Variants in COL5A1 observed in about 807,000 individuals in gnomAD.
COL5A1 encodes collagen alpha-1(V) chain.
Under a neutral mutation model 263.7 loss-of-function variants are expected in COL5A1, and 16 were observed. The observed-to-expected ratio is 0.06, with a 90% CI of 0.04 to 0.09. The LOEUF (loss-of-function observed/expected upper bound fraction) is 0.09, where lower values mean the gene tolerates loss of function less well. Ranked by LOEUF, COL5A1 falls within the 10% of genes least tolerant of loss-of-function variation. The probability of loss-of-function intolerance (pLI) is 1.00; values close to 1 mark genes in which losing one functional copy is unlikely to be tolerated. For missense variants in COL5A1, 2,036 were observed against 2,540.5 expected (o/e 0.80, Z 4.27); for synonymous variants, 1,012 against 1,004.5 (o/e 1.01, Z -0.14).
intron 27 of COL5A1, among the ~76,000 whole-genome samples, chr9:134,778,268 C>G (rs1837122865): frequency 6.6e-6 from 1 of 152,262 alleles, no homozygotes; most frequent in African/African-American, 2.4e-5. Context: ...AACCACTCGC[C>G]TCTCAGCAGC....
At chr9:134,736,797 C>G (rs1835116127) in intron 9 of COL5A1, among the ~76,000 whole-genome samples, 1 of 152,210 alleles carries the variant, frequency 6.6e-6, no homozygotes, top group African/African-American at 2.4e-5. Context: ...TGCTTCCAAA[C>G]TACATGGTGA....
chr9:134,842,060 TG>T lies in COL5A1; in HGVS notation c.5371-94del. Reference sequence around the variant, plus strand: ...CTGGGTAGGAGACAGGACACCAGCCTGGGTTTTGGAGCCAGACAGATTGTGG... The same window carrying T: ...CTGGGTAGGAGACAGGACACCAGCCTGGTTTTGGAGCCAGACAGATTGTGG... On this transcript the variant is annotated intron_variant, in intron 65 of 65. Transcript: ENST00000371817. The surrounding 1 kb of genome is among the most constrained non-coding windows in gnomAD (Gnocchi z 5.8). 1 of 1,451,032 alleles carries T rather than the reference TG, an allele frequency of 6.9e-7. No homozygotes were observed. The highest frequency in any genetic ancestry group is 9.6e-7 in the Non-Finnish European group (1 of 1,038,672). The allele number at this position is 1,451,032 out of a possible 1,614,324, so 89.9% of individuals were successfully genotyped here.
chr9:134,708,549 C>T (rs1050769973), intron 4 of COL5A1: 1 of 517,586 alleles, frequency 1.9e-6, no homozygotes, highest in African/African-American at 1.9e-5. Context: ...GTAGGATCCA[C>T]CTCCGCTGTC....
At position 134,730,246 on chromosome 9, in the gene COL5A1, C is replaced by G. The variant is rs367726185; in HGVS notation, c.935C>G (p.Pro312Arg). ...ETTEVPEELT[P>R]TPTEAAPMPE... is the part of the protein sequence containing the mutation. ...GTCCTTGGCTCCCAGGAGCTGACCC[C>G]GACCCCCACGGAAGCTGCTCCCATG... Residue 312 changes from proline (P) to arginine (R), a missense_variant, in exon 7 of 66, where the codon CCG becomes CGG. By Grantham distance (103) the Pro-to-Arg change is moderately radical. Transcript: ENST00000371817. 4 of 1,613,680 alleles carry G rather than the reference C, an allele frequency of 2.5e-6. No individual in the cohort carries two copies. In the Admixed American group the frequency reaches 5.0e-5, roughly 20 times the overall value.
Position 134,754,354 on chromosome 9 carries a change from G to A in COL5A1, c.1827+28G>A, listed in dbSNP as rs765477615. On this transcript the variant is annotated intron_variant, in intron 16 of 65. Coordinates refer to ENST00000371817, the MANE Select transcript of COL5A1 (RefSeq NM_000093.5). This position sits in a 1 kb window ranked among gnomAD's most constrained non-coding sequence, Gnocchi z 4.3. ...GAGTGGTGCGAGTGTGTGTGGTTTAGTGACAGCAGCTTGGGCGCTGGAGGA... is the reference window on the plus strand; with the variant it reads ...GAGTGGTGCGAGTGTGTGTGGTTTAATGACAGCAGCTTGGGCGCTGGAGGA... The A allele has an allele frequency of 4.3e-6, 7 of 1,613,922 alleles. No homozygotes were observed. Among genetic ancestry groups the A allele is most frequent in the Non-Finnish European group, 5.9e-6 (7 of 1,179,994 alleles).
rs1831717367 is a variant in COL5A1, at chr9:134,652,335, G to A, written c.109+10039G>A. Among the ~76,000 whole-genome samples the A allele has an allele frequency of 6.9e-6, 1 of 145,962 alleles. No individual in the cohort carries two copies. The highest frequency in any genetic ancestry group is 6.8e-5 in the Admixed American group (1 of 14,620). On this transcript the variant is annotated intron_variant, in intron 1 of 65. Transcript: ENST00000371817. This position sits in a 1 kb window ranked among gnomAD's most constrained non-coding sequence, Gnocchi z 4.4. ...GCTGGTGACAGCAGGCAGACCCAGTGTAACACGGCTCTGCTGGGTGGGGCA... is the reference window on the plus strand; with the variant it reads ...GCTGGTGACAGCAGGCAGACCCAGTATAACACGGCTCTGCTGGGTGGGGCA...
Position 134,731,488 on chromosome 9 carries a change from C to T in COL5A1, c.1165-8C>T, listed in dbSNP as rs770303209. On this transcript the variant is annotated splice_region_variant and splice_polypyrimidine_tract_variant and intron_variant, in intron 7 of 65. Coordinates refer to ENST00000371817, the MANE Select transcript of COL5A1 (RefSeq NM_000093.5). Reference sequence around the variant, plus strand: ...GAGGCAACCCTGCGCCTTCCTCTCCCTCTGCAGCCAGCTCCGCCTCCAGGG... The same window carrying T: ...GAGGCAACCCTGCGCCTTCCTCTCCTTCTGCAGCCAGCTCCGCCTCCAGGG... The T allele has an allele frequency of 1.4e-5, 23 of 1,613,928 alleles. No individual in the cohort carries two copies. The highest frequency in any genetic ancestry group is 8.0e-5 in the African/African-American group (6 of 74,950).
At chr9:134,762,370 A>C (rs1836485053) in intron 19 of COL5A1, among the ~76,000 whole-genome samples, 2 of 152,214 alleles carry the variant, frequency 1.3e-5, no homozygotes, top group South Asian at 4.1e-4. Flanking sequence ...TGGGTGGCAG[A>C]AAGCTGAGAT....
Position 134,799,368 on chromosome 9 carries a change from G to A in COL5A1, c.2952+907G>A, listed in dbSNP as rs567863984. Among the ~76,000 whole-genome samples, 6 of 152,348 alleles carry A rather than the reference G, an allele frequency of 3.9e-5. No homozygotes were observed. The South Asian group carries it at 6.2e-4, about 16-fold the overall frequency. The stretch of plus-strand genomic sequence containing the variant: ...GGGGCTCCAGGCTCTGAATATCTGG[G>A]GACGTGCAGTGTCGGGTGACTTCCT... On this transcript the variant is annotated intron_variant, in intron 37 of 65. Coordinates refer to ENST00000371817, the MANE Select transcript of COL5A1 (RefSeq NM_000093.5).
Position 134,812,675 on chromosome 9 carries a change from C to T in COL5A1, c.3815C>T (p.Pro1272Leu), listed in dbSNP as rs369684394. ...APGADGPQGPPGGIGNPGAVG... is the reference protein window; with the variant it reads ...APGADGPQGPLGGIGNPGAVG... Reference sequence around the variant, plus strand: ...GGTGCTGATGGCCCACAAGGTCCCCCAGGTGGAATAGGAAACCCTGGTGCA... The same window carrying T: ...GGTGCTGATGGCCCACAAGGTCCCCTAGGTGGAATAGGAAACCCTGGTGCA... Residue 1272 changes from proline (P) to leucine (L), a missense_variant, in exon 48 of 66, where the codon CCA becomes CTA. Coordinates refer to ENST00000371817, the MANE Select transcript of COL5A1 (RefSeq NM_000093.5). 2 of 1,592,408 alleles carry T rather than the reference C, an allele frequency of 1.3e-6. No individual in the cohort carries two copies. Among genetic ancestry groups the T allele is most frequent in the Non-Finnish European group, 1.7e-6 (2 of 1,169,956 alleles).
At chr9:134,806,825 G>A (rs1188021806) in intron 42 of COL5A1, among the ~76,000 whole-genome samples, 2 of 152,160 alleles carry the variant, frequency 1.3e-5, no homozygotes, top group Non-Finnish European at 2.9e-5. Context: ...CAGATGTCCA[G>A]CAAAGAAGGG....
At chr9:134,840,587 G>T (rs150906495) in intron 65 of COL5A1, among the ~76,000 whole-genome samples, 117 of 152,338 alleles carry the variant, frequency 7.7e-4, no homozygotes, top group African/African-American at 2.4e-3. Context: ...GGTGCAGCTG[G>T]CTGGCTCTAG....
chr9:134,823,041 A>G lies in COL5A1; in HGVS notation c.4644+8A>G. The G allele has an allele frequency of 1.2e-6, 2 of 1,613,876 alleles. No homozygotes were observed. Among genetic ancestry groups the G allele is most frequent in the South Asian group, 2.2e-5 (2 of 91,062 alleles). ...GGTGCTAAGGGCTCCTCGGTAAGTA[A>G]CATGCTGCCCAGCCAGGCCAATGCC... On this transcript the variant is annotated splice_region_variant and intron_variant, in intron 60 of 65. Coordinates refer to ENST00000371817, the MANE Select transcript of COL5A1 (RefSeq NM_000093.5).
chr9:134,801,910 C>T (rs751664133), intron 37 of COL5A1, 44 bp from the exon 38 acceptor site: 1 of 1,588,738 alleles, frequency 6.3e-7, no homozygotes, highest in Admixed American at 1.7e-5. Flanking sequence ...CAGGGTGGCG[C>T]AGGCCACTGC....
At chr9:134,721,396 C>T (rs1431763573) in intron 4 of COL5A1, among the ~76,000 whole-genome samples, 1 of 152,074 alleles carries the variant, frequency 6.6e-6, no homozygotes, top group Non-Finnish European at 1.5e-5. Context: ...CTGTTCTGTG[C>T]CTCTCGTCAC....
At chr9:134,828,052 C>T (rs1477503292) in intron 63 of COL5A1, among the ~76,000 whole-genome samples, 1 of 152,198 alleles carries the variant, frequency 6.6e-6, no homozygotes, top group Non-Finnish European at 1.5e-5. Flanking sequence ...GTCCTCATGG[C>T]GCACAACGTG....
At chr9:134,720,184 G>A (rs757674367) in intron 4 of COL5A1, among the ~76,000 whole-genome samples, 1 of 152,200 alleles carries the variant, frequency 6.6e-6, no homozygotes, top group Admixed American at 6.5e-5. Flanking sequence ...CTGGAAGGCT[G>A]CAGGCTGAGG....
chr9:134,756,502 G>T (rs114326916), intron 16 of COL5A1, among the ~76,000 whole-genome samples: 1 of 152,218 alleles, frequency 6.6e-6, no homozygotes, highest in African/African-American at 2.4e-5. Context: ...GGGCAGTGGC[G>T]TGATCCCCCT....
intron 9 of COL5A1, among the ~76,000 whole-genome samples, chr9:134,734,066 G>T (rs902689398): frequency 9.2e-5 from 14 of 152,214 alleles, no homozygotes; most frequent in African/African-American, 2.6e-4. Flanking sequence ...ATGTTCCCGA[G>T]TAAGCTGGCT....
Sources: gnomAD v4.1 joint callset for allele counts (sites outside exome capture counted in the v4.1 genomes callset) on GRCh38, gnomAD v4.1.1 for gene constraint, Gnocchi (gnomAD v3.1) non-coding constraint, MANE v1.5 for transcripts, NCBI Gene and HGNC (gene_info 2026-07-23, HGNC 2026-07-21) for gene names.